Variants in TUB observed in about 807,000 individuals in gnomAD.
The protein encoded by TUB is TUB bipartite transcription factor, also known as tubby protein homolog.
Under a neutral mutation model 59.7 loss-of-function variants are expected in TUB, and 33 were observed. The ratio of observed to expected loss-of-function variants is 0.55; its 90% CI spans 0.42 to 0.74. The LOEUF (loss-of-function observed/expected upper bound fraction) is 0.74, where lower values mean the gene tolerates loss of function less well. TUB is among the 30% of genes least tolerant of loss of function. The pLI is 0.00. For synonymous variants in TUB, 293 were observed against 256.4 expected (o/e 1.14, Z -1.36); for missense variants, 659 against 672.0 (o/e 0.98, Z 0.21).
chr11:8,028,195 C>A (rs900054530), intron 1 of TUB, among the ~76,000 whole-genome samples: 4 of 152,134 alleles, frequency 2.6e-5, no homozygotes, highest in African/African-American at 9.7e-5. Context: ...ATTTGCATTT[C>A]CTCAGTGACA....
intron 1 of TUB, among the ~76,000 whole-genome samples, chr11:8,023,394 C>T (rs1008709394): frequency 1.3e-5 from 2 of 152,164 alleles, no homozygotes; most frequent in African/African-American, 4.8e-5. Flanking sequence ...ATTTCTGGCT[C>T]CTCTTAGGTC....
intron 9 of TUB, among the ~76,000 whole-genome samples, chr11:8,099,605 T>C (rs1038241375): frequency 1.1e-4 from 17 of 152,210 alleles, no homozygotes; most frequent in Non-Finnish European, 2.1e-4. Context: ...CATAAATGTA[T>C]ACCTTTATGG....
rs777605808 is a variant in TUB at position 8,100,609 on chromosome 11, T to C, written c.1215+8T>C. 3.7e-6 allele frequency: 6 copies of C among 1,612,346 alleles called. No individual in the cohort carries two copies. In the Admixed American group the frequency reaches 1.0e-4, roughly 27 times the overall value. ...TCTATCCGCCCCCGCAACGTGAGTG[T>C]CTACCCCTTCCTCCCCTCTTTCCCC... On this transcript the variant is annotated splice_region_variant and intron_variant, in intron 10 of 11. Transcript: ENST00000299506.
chr11:8,101,846 TTCTTTC>T lies in TUB; in HGVS notation c.*228_*233del. On this transcript the variant is annotated 3_prime_UTR_variant, in exon 12 of 12. Transcript: ENST00000299506. The stretch of plus-strand genomic sequence containing the variant: ...GGTGGGTGTGAAGGGATGAGAATAA[TTCTTTC>T]CATGCCACGAGATCAACACACACTC... The T allele has an allele frequency of 4.0e-6, 2 of 503,054 alleles. No individual in the cohort carries two copies. The highest frequency in any genetic ancestry group is 6.3e-6 in the Non-Finnish European group (2 of 317,168). 31.2% of individuals were successfully genotyped at this position (503,054 alleles called of 1,614,324 possible). A position where few individuals can be genotyped will look rare whatever the true frequency, so the allele number is the denominator to read the frequency against.
intron 1 of TUB, among the ~76,000 whole-genome samples, chr11:8,031,613 C>T (rs1443011149): frequency 6.6e-6 from 1 of 152,206 alleles, no homozygotes; most frequent in Non-Finnish European, 1.5e-5. Flanking sequence ...TCCGGGGCCG[C>T]ATCAATGTTG....
At chr11:8,089,009 A>G (rs927291354) in intron 1 of TUB, among the ~76,000 whole-genome samples, 12 of 152,196 alleles carry the variant, frequency 7.9e-5, no homozygotes, top group African/African-American at 2.9e-4. Flanking sequence ...TTGGTCTCTT[A>G]GCTTCATTCT....
At chr11:8,071,447 G>A (rs1943358509) in intron 2 of TUB, among the ~76,000 whole-genome samples, 1 of 152,246 alleles carries the variant, frequency 6.6e-6, no homozygotes, top group South Asian at 2.1e-4. Context: ...CAAGGAAATT[G>A]GGAAGGCACT....
rs116841187 is a variant in TUB, at chr11:8,032,674, C to T, written c.56+13316C>T. On this transcript the variant is annotated intron_variant, in intron 1 of 11. Coordinates refer to the TUB transcript ENST00000534099. ...ACCTGGGCACCTATCCTCCCTCCTC[C>T]CTTTGCACCTCCCGCACATCTGGCT... 7.3e-3 allele frequency among the ~76,000 whole-genome samples: 877 copies of T among 119,490 alleles called. 5 individuals are homozygous for T. The highest frequency in any genetic ancestry group is 0.016 in the Middle Eastern group (3 of 192). The allele number at this position is 119,490 out of a possible 152,430, so 78.4% of individuals were successfully genotyped here. A position where few individuals can be genotyped will look rare whatever the true frequency, so the allele number is the denominator to read the frequency against.
chr11:8,056,116 A>C (rs1943016497), intron 2 of TUB, among the ~76,000 whole-genome samples: 1 of 152,160 alleles, frequency 6.6e-6, no homozygotes, highest in South Asian at 2.1e-4. Flanking sequence ...TTTAGCCAAC[A>C]GTTCTGTCCT....
intron 1 of TUB, among the ~76,000 whole-genome samples, chr11:8,087,672 C>T (rs1287819782): frequency 2.0e-5 from 3 of 152,222 alleles, no homozygotes; most frequent in Admixed American, 2.0e-4. Context: ...TGGCTGACCA[C>T]GGGGGACACT....
At chr11:8,035,890 G>A (rs529780155), upstream of TUB, 5 of 152,436 alleles carry the variant, frequency 3.3e-5, no homozygotes, top group South Asian at 1.0e-3. Flanking sequence ...GTGACAGGGA[G>A]GTGAGACGCT....
rs17847555 is a variant in TUB, at chr11:8,100,744, C to T, written c.1216-82C>T. 378 of 1,581,100 alleles carry T rather than the reference C, an allele frequency of 2.4e-4. 1 individual carries two copies. In the East Asian group the frequency reaches 7.2e-3, roughly 30 times the overall value. On this transcript the variant is annotated intron_variant, in intron 10 of 11. Coordinates refer to ENST00000299506, the MANE Select transcript of TUB (RefSeq NM_177972.3). ...GGAGGTCTAGGGAAATCCAAGGACC[C>T]CCATTCCCGGGATAGATCCCTTTCT...
At chr11:8,047,749 G>A (rs1436406712) in intron 2 of TUB, among the ~76,000 whole-genome samples, 4 of 152,148 alleles carry the variant, frequency 2.6e-5, no homozygotes, top group Non-Finnish European at 1.5e-5. Flanking sequence ...CCTGCACGGA[G>A]CCTGAGCCCC....
chr11:8,080,386 G>T (rs776806461), upstream of TUB, among the ~76,000 whole-genome samples: 7 of 151,680 alleles, frequency 4.6e-5, no homozygotes, highest in Non-Finnish European at 7.3e-5. Flanking sequence ...GCCATGCCTT[G>T]CATTCAAGCT....
intron 1 of TUB, among the ~76,000 whole-genome samples, chr11:8,029,770 G>C (rs970244454): frequency 6.6e-6 from 1 of 152,168 alleles, no homozygotes; most frequent in African/African-American, 2.4e-5. Context: ...GGAAAGGCCA[G>C]GGTGGAGGGA....
At chr11:8,027,125 A>T (rs889909990) in intron 1 of TUB, among the ~76,000 whole-genome samples, 22 of 152,232 alleles carry the variant, frequency 1.4e-4, no homozygotes, top group African/African-American at 5.3e-4. Flanking sequence ...GTATGACATA[A>T]AATGAGCTAT....
At chr11:8,040,556 C>T (rs1319391737) in intron 2 of TUB, among the ~76,000 whole-genome samples, 2 of 152,182 alleles carry the variant, frequency 1.3e-5, no homozygotes, top group Non-Finnish European at 2.9e-5. Context: ...TCGAGTATGG[C>T]CTTCATGGCA....
intron 9 of TUB, 84 bp downstream of exon 9, chr11:8,098,959 CCAT>C (rs1944132442): frequency 1.0e-6 from 1 of 1,001,024 alleles, no homozygotes; most frequent in African/African-American, 1.6e-5. Context: ...GCTATCCCAT[CCAT>C]CTTAGTGGGT....
At chr11:8,035,908 A>G (rs549639008), upstream of TUB, 1 of 152,418 alleles carries the variant, frequency 6.6e-6, no homozygotes. Context: ...GCTGAAGTAG[A>G]CATGGATGCT....
Sources: gnomAD v4.1 joint callset for allele counts (sites outside exome capture counted in the v4.1 genomes callset) on GRCh38, gnomAD v4.1.1 for gene constraint, MANE v1.5 for transcripts, NCBI Gene and HGNC (gene_info 2026-07-23, HGNC 2026-07-21) for gene names.